Variants in LZTS2 observed in about 807,000 individuals in gnomAD.
LZTS2 encodes leucine zipper tumor suppressor 2.
A neutral mutation model predicts 60.6 loss-of-function variants in LZTS2; 32 were observed. The ratio of observed to expected loss-of-function variants is 0.53; its 90% CI spans 0.40 to 0.71. The LOEUF (loss-of-function observed/expected upper bound fraction) is 0.71, where lower values mean the gene tolerates loss of function less well. LZTS2 is among the 30% of genes least tolerant of loss of function. LZTS2 has a pLI of 0.00. For synonymous variants in LZTS2, 360 were observed against 393.1 expected, an observed-to-expected ratio of 0.92 and a Z score of 1.00; for missense variants, 792 against 901.9, an observed-to-expected ratio of 0.88 and a Z score of 1.56.
At chr10:101,001,105 C>T (rs966924236) in exon 1 of LZTS2, 3 of 152,326 alleles carry the variant, frequency 2.0e-5, no homozygotes, top group Admixed American at 1.3e-4. Flanking sequence ...CTCATACCTG[C>T]GTGCCCACGT....
chr10:101,006,674 C>A, exon 4 of LZTS2: 1 of 1,592,056 alleles, frequency 6.3e-7, no homozygotes, highest in East Asian at 2.3e-5. Flanking sequence ...GGAGCTGGAG[C>A]TGGAAGCCTG....
chr10:101,003,098 G>A, intron 1 of LZTS2, 152 bp downstream of exon 2: 1 of 1,009,768 alleles, frequency 9.9e-7, no homozygotes, highest in Non-Finnish European at 1.4e-6. Flanking sequence ...CTGGATGTGT[G>A]ACCTCAGGGA....
chr10:101,007,028 A>T, exon 4 of LZTS2: 1 of 1,585,606 alleles, frequency 6.3e-7, no homozygotes, highest in Non-Finnish European at 8.6e-7. Context: ...CTACATCCAG[A>T]TGTACCGGCG....
chr10:100,998,288 A>AG (rs1352016078), upstream of LZTS2: 2 of 152,566 alleles, frequency 1.3e-5, no homozygotes, highest in African/African-American at 2.4e-5. Flanking sequence ...TGAGCTGGGC[A>AG]GGCTGCCAGA....
At chr10:101,007,336 T>C in exon 4 of LZTS2, 1 of 1,417,430 alleles carries the variant, frequency 7.1e-7, no homozygotes, top group Non-Finnish European at 9.2e-7. Context: ...GGTGGCCCTA[T>C]GACTTGGAGG....
At chr10:101,007,679 G>C (rs1696567101) in exon 4 of LZTS2, 1 of 1,067,058 alleles carries the variant, frequency 9.4e-7, no homozygotes, top group African/African-American at 1.7e-5. Flanking sequence ...ACCAAAGGAA[G>C]AACTCAGAAA....
At chr10:101,003,802 G>A in exon 2 of LZTS2, 1 of 1,613,260 alleles carries the variant, frequency 6.2e-7, no homozygotes, top group Non-Finnish European at 8.5e-7. Context: ...AGCACCGGAG[G>A]TGCCGAGCCA....
intron 3 of LZTS2, among the ~76,000 whole-genome samples, chr10:101,006,000 A>G (rs984487509): frequency 6.6e-6 from 1 of 152,198 alleles, no homozygotes; most frequent in Non-Finnish European, 1.5e-5. Context: ...TCATCCTTAT[A>G]ACAACACTGA....
chr10:101,003,737 A>T (rs1852099404), exon 2 of LZTS2: 2 of 1,612,428 alleles, frequency 1.2e-6, no homozygotes, highest in African/African-American at 2.7e-5. Context: ...GTGGCTGCCC[A>T]TCAGGGACGC....
intron 1 of LZTS2, chr10:101,003,169 T>C: frequency 3.3e-6 from 2 of 610,378 alleles, no homozygotes; most frequent in Non-Finnish European, 5.5e-6. Flanking sequence ...ATGTATAGCA[T>C]AGTGCCTAGC....
At chr10:101,005,553 G>A (rs1279601219) in exon 3 of LZTS2, 1 of 1,609,382 alleles carries the variant, frequency 6.2e-7, no homozygotes, top group Non-Finnish European at 8.5e-7. Context: ...GGGCCCAACA[G>A]CTGCTGCAGC....
Position 101,004,152 on chromosome 10 carries a change from G to A in LZTS2, c.1054G>A (p.Ala352Thr), listed in dbSNP as rs138374415. The change falls in exon 2 of 4, where the codon GCT becomes ACT. Residue 352 changes from alanine (A) to threonine (T), a missense_variant. Physicochemically the swap from Ala to Thr is moderately conservative, Grantham distance 58. Transcript: ENST00000370220. Reference sequence around the variant, plus strand: ...GCGGGACAGTCTGGACGAGAATGAGGCTACCATGTGCCAGGTGTGGTCAGA... The same window carrying A: ...GCGGGACAGTCTGGACGAGAATGAGACTACCATGTGCCAGGTGTGGTCAGA... 2.5e-4 allele frequency: 401 copies of A among 1,600,620 alleles called. 1 individual carries two copies. The highest frequency in any genetic ancestry group is 1.6e-4 in the Non-Finnish European group (192 of 1,170,184).
exon 4 of LZTS2, chr10:101,007,420 C>T: frequency 1.4e-6 from 2 of 1,438,252 alleles, no homozygotes; most frequent in Non-Finnish European, 1.8e-6. Flanking sequence ...CACTTCATTC[C>T]CCACCGCTGC....
At chr10:101,002,545 A>G (rs1429116855) in exon 1 of LZTS2, 1 of 1,514,700 alleles carries the variant, frequency 6.6e-7, no homozygotes, top group Non-Finnish European at 8.8e-7. Flanking sequence ...CACCATGGCC[A>G]TTGTGCAGAC....
exon 1 of LZTS2, chr10:101,001,394 C>T (rs1852035941): frequency 6.6e-6 from 1 of 152,272 alleles, no homozygotes; most frequent in Admixed American, 6.5e-5. Flanking sequence ...GATGTTTTCA[C>T]ACACATTTTC....
Position 101,005,613 on chromosome 10 carries a change from C to T in LZTS2, c.1224C>T (p.Phe408=), listed in dbSNP as rs541319382. 8.1e-6 allele frequency: 13 copies of T among 1,611,350 alleles called. No individual in the cohort carries two copies. The East Asian group carries it at 8.9e-5, about 11-fold the overall frequency. The change falls in exon 3 of 4, where the codon TTC becomes TTT. Residue 408 remains phenylalanine, a synonymous_variant. Transcript: ENST00000370220. ...AGAAGCGGCAATTGCAGGACGACTT[C>T]GCACAGCTGCTGCAGGAGCGCGAAC...
At chr10:100,999,270 G>C (rs1851975796), upstream of LZTS2, among the ~76,000 whole-genome samples, 1 of 152,218 alleles carries the variant, frequency 6.6e-6, no homozygotes, top group Non-Finnish European at 1.5e-5. Context: ...CCGGCCGCCA[G>C]GTGGCGTCGC....
rs549346981 is a variant in LZTS2 at position 101,005,233 on chromosome 10, C to G, written c.1069-225C>G. Among the ~76,000 whole-genome samples, 4 of 152,322 alleles carry G rather than the reference C, an allele frequency of 2.6e-5. No individual in the cohort carries two copies. In the South Asian group the frequency reaches 6.2e-4, roughly 24 times the overall value. On this transcript the variant is annotated intron_variant, in intron 2 of 3. Transcript: ENST00000370220. ...CCTAGGCTGGTCTCGAACTCCGGAG[C>G]TTAAGTGATCCACCCACCTCGCGTG...
upstream of LZTS2, chr10:100,997,171 A>C (rs1038106458): frequency 2.6e-5 from 4 of 152,382 alleles, no homozygotes; most frequent in African/African-American, 9.7e-5. Context: ...TGTCGCGGCG[A>C]GGAGGTGGGC....
Sources: gnomAD v4.1 joint callset for allele counts (sites outside exome capture counted in the v4.1 genomes callset) on GRCh38, gnomAD v4.1.1 for gene constraint, MANE v1.5 for transcripts, NCBI Gene and HGNC (gene_info 2026-07-23, HGNC 2026-07-21) for gene names.